ARHGEF18: variants seen among roughly 807,000 people sequenced by gnomAD.
ARHGEF18 encodes the protein rho guanine nucleotide exchange factor 18.
A neutral mutation model predicts 155.7 loss-of-function variants in ARHGEF18; 93 were observed. The observed-to-expected ratio is 0.60, with a 90% CI of 0.50 to 0.71. The LOEUF (loss-of-function observed/expected upper bound fraction) is 0.71. Among genes scored for constraint, ARHGEF18 ranks in the 30% least tolerant of loss-of-function variants. The probability of loss-of-function intolerance (pLI) is 0.00; values close to 1 mark genes in which losing one functional copy is unlikely to be tolerated. For missense variants in ARHGEF18, 1,593 were observed against 1,816.1 expected, an observed-to-expected ratio of 0.88 and a Z score of 2.23; for synonymous variants, 742 against 753.1, an observed-to-expected ratio of 0.99 and a Z score of 0.24.
intron 10 of ARHGEF18, among the ~76,000 whole-genome samples, chr19:7,422,686 A>G (rs1973425669): frequency 6.7e-6 from 1 of 150,166 alleles, no homozygotes; most frequent in South Asian, 2.1e-4. Flanking sequence ...CCGCATCATC[A>G]GTCCCACAAC....
Position 7,470,149 on chromosome 19 carries a change from C to T in ARHGEF18, c.3937C>T (p.Pro1313Ser). The change falls in exon 29 of 29, where the codon CCA becomes TCA. Residue 1313 changes from proline to serine, a missense_variant. Physicochemically the swap from Pro to Ser is moderately conservative, Grantham distance 74. Transcript: ENST00000668164. This position sits in a 1 kb window ranked among gnomAD's most constrained non-coding sequence, Gnocchi z 5.9. ...PPDPGFPAPS[P>S]PPADSPSEGF... is the part of the protein sequence containing the mutation. Reference sequence around the variant, plus strand: ...AGACCCTGGCTTCCCCGCCCCGAGCCCACCGCCAGCTGACAGCCCCTCCGA... The same window carrying T: ...AGACCCTGGCTTCCCCGCCCCGAGCTCACCGCCAGCTGACAGCCCCTCCGA... The T allele has an allele frequency of 6.2e-7, 1 of 1,612,308 alleles. No homozygotes were observed. Among genetic ancestry groups the T allele is most frequent in the Non-Finnish European group, 8.5e-7 (1 of 1,179,690 alleles).
At chr19:7,402,652 G>C (rs965931239) in intron 10 of ARHGEF18, among the ~76,000 whole-genome samples, 3 of 152,274 alleles carry the variant, frequency 2.0e-5, no homozygotes, top group African/African-American at 7.2e-5. Context: ...CAGGAAGACT[G>C]GGGGGTAAAG....
Position 7,470,886 on chromosome 19 carries a change from G to A in ARHGEF18, c.*588G>A, listed in dbSNP as rs1013442335. On this transcript the variant is annotated 3_prime_UTR_variant, in exon 29 of 29. Transcript: ENST00000668164. This position sits in a 1 kb window ranked among gnomAD's most constrained non-coding sequence, Gnocchi z 5.9. Reference sequence around the variant, plus strand: ...ACCTCAGGGTCAGGGAATGAGCCAGGCACGGGGGCATGGGCAGAGAGGGCC... The same window carrying A: ...ACCTCAGGGTCAGGGAATGAGCCAGACACGGGGGCATGGGCAGAGAGGGCC... 3.5e-5 allele frequency: 14 copies of A among 401,132 alleles called. No individual in the cohort carries two copies. The highest frequency in any genetic ancestry group is 8.8e-5 in the Admixed American group (2 of 22,736). The allele number at this position is 401,132 out of a possible 1,614,324, so 24.8% of individuals were successfully genotyped here. A position where few individuals can be genotyped will look rare whatever the true frequency, so the allele number is the denominator to read the frequency against.
the ARHGEF18 span, among the ~76,000 whole-genome samples, chr19:7,478,073 T>C: frequency 6.6e-6 from 1 of 152,182 alleles, no homozygotes; most frequent in Non-Finnish European, 1.5e-5. Flanking sequence ...CTTCGGGAAA[T>C]TGATCATTCT....
At chr19:7,477,993 G>C in the ARHGEF18 span, among the ~76,000 whole-genome samples, 1 of 152,242 alleles carries the variant, frequency 6.6e-6, no homozygotes, top group African/African-American at 2.4e-5. Flanking sequence ...CTGTGCTCCA[G>C]CCTGGGCAAC....
chr19:7,439,030 C>G (rs1324113338), intron 10 of ARHGEF18, among the ~76,000 whole-genome samples: 1 of 152,078 alleles, frequency 6.6e-6, no homozygotes, highest in Non-Finnish European at 1.5e-5. Context: ...CACCACCACG[C>G]CCTTCTAATT....
downstream of ARHGEF18, chr19:7,477,148 G>T: frequency 7.2e-7 from 1 of 1,382,548 alleles, no homozygotes. Flanking sequence ...CTTCTGCTTT[G>T]CGGGAAGGGC....
chr19:7,349,646 C>T (rs574799103), intron 1 of ARHGEF18, among the ~76,000 whole-genome samples: 5 of 152,070 alleles, frequency 3.3e-5, no homozygotes, highest in African/African-American at 4.8e-5. Context: ...GGCGTGGTGG[C>T]GGGCAGCTGT....
chr19:7,376,515 C>T, intron 4 of ARHGEF18, 128 bp from the exon 5 acceptor site: 3 of 468,994 alleles, frequency 6.4e-6, no homozygotes, highest in Non-Finnish European at 1.0e-5. Context: ...GAGGCTGAGG[C>T]TTGGATGAGT....
chr19:7,393,194 G>C (rs1215943247), intron 10 of ARHGEF18, among the ~76,000 whole-genome samples: 1 of 152,092 alleles, frequency 6.6e-6, no homozygotes, highest in Non-Finnish European at 1.5e-5. Context: ...AGGGTGCCTG[G>C]TGAATTACGT....
chr19:7,473,108 C>T (rs1333419210), downstream of ARHGEF18: 23 of 456,288 alleles, frequency 5.0e-5, no homozygotes, highest in South Asian at 3.6e-4. Context: ...AAGGCTGGAA[C>T]TTTCACTTCC....
At chr19:7,437,216 G>A (rs570223730) in intron 10 of ARHGEF18, among the ~76,000 whole-genome samples, 63 of 152,232 alleles carry the variant, frequency 4.1e-4, no homozygotes, top group Middle Eastern at 3.4e-3. Flanking sequence ...ATCACCTGAA[G>A]TTGGGAGTTC....
In ARHGEF18 at chr19:7,422,445, TG is replaced by T. The variant is rs1252738182; in HGVS notation, c.968-17898del. On this transcript the variant is annotated intron_variant, in intron 10 of 28. Coordinates refer to ENST00000668164, the MANE Select transcript of ARHGEF18 (RefSeq NM_001367823.1). ...TGTTAATGGCTCTGCCCTTGCCCAC[TG>T]TCCTATCCTGGAATGACTTTCCCTC... Among the ~76,000 whole-genome samples the T allele has an allele frequency of 3.4e-5, 5 of 147,104 alleles. No homozygotes were observed. The Admixed American group carries it at 3.4e-4, about 10-fold the overall frequency.
In ARHGEF18 at chr19:7,365,847, C is replaced by T. The variant is rs532438268; in HGVS notation, c.15+2942C>T. Among the ~76,000 whole-genome samples the T allele has an allele frequency of 5.3e-5, 8 of 152,308 alleles. No homozygotes were observed. In the East Asian group the frequency reaches 1.3e-3, roughly 26 times the overall value. On this transcript the variant is annotated intron_variant, in intron 2 of 28. Transcript: ENST00000668164. ...CTTCTCCTTCCCTGGTGGTGGTCCC[C>T]GTCATGGCTCCCCCAGGTAATCTGC...
At chr19:7,384,613 C>T (rs1970900796) in intron 10 of ARHGEF18, among the ~76,000 whole-genome samples, 1 of 152,122 alleles carries the variant, frequency 6.6e-6, no homozygotes, top group East Asian at 1.9e-4. Context: ...TCTTTGAGCT[C>T]CCTCTGTTAG....
intron 10 of ARHGEF18, among the ~76,000 whole-genome samples, chr19:7,437,440 G>C (rs1974331850): frequency 7.1e-6 from 1 of 140,040 alleles, no homozygotes; most frequent in Non-Finnish European, 1.5e-5. Context: ...AAAAAAAAAA[G>C]TTGCTCAGAG....
At chr19:7,473,198 C>T (rs753695223), downstream of ARHGEF18, 24 of 456,098 alleles carry the variant, frequency 5.3e-5, 1 homozygote, top group Middle Eastern at 3.2e-4. Context: ...TCCAGTGAGG[C>T]GAGGACCCTG....
At chr19:7,403,796 G>A (rs952001735) in intron 10 of ARHGEF18, among the ~76,000 whole-genome samples, 18 of 151,802 alleles carry the variant, frequency 1.2e-4, no homozygotes, top group African/African-American at 1.7e-4. Context: ...TGGGCTCAAT[G>A]ACTCACACCT....
chr19:7,368,565 C>T (rs1970048428), intron 2 of ARHGEF18, among the ~76,000 whole-genome samples: 1 of 152,208 alleles, frequency 6.6e-6, no homozygotes, highest in African/African-American at 2.4e-5. Flanking sequence ...TGGCTCCCCA[C>T]TCCCCAGCTC....
Sources: gnomAD v4.1 joint callset for allele counts (sites outside exome capture counted in the v4.1 genomes callset) on GRCh38, gnomAD v4.1.1 for gene constraint, Gnocchi (gnomAD v3.1) non-coding constraint, MANE v1.5 for transcripts, NCBI Gene and HGNC (gene_info 2026-07-23, HGNC 2026-07-21) for gene names.